The following HSD17B12 variants were observed in gnomAD, a reference collection of about 807,000 sequenced individuals.
HSD17B12 encodes the protein hydroxysteroid 17-beta dehydrogenase 12.
Under a neutral mutation model 39.3 loss-of-function variants are expected in HSD17B12, and 32 were observed. The observed-to-expected ratio is 0.81, with a 90% confidence interval of 0.61 to 1.09. The LOEUF (loss-of-function observed/expected upper bound fraction) is 1.09. HSD17B12 is among the 50% of genes least tolerant of loss of function. The probability of loss-of-function intolerance (pLI) is 0.00; values close to 1 mark genes in which losing one functional copy is unlikely to be tolerated. For missense variants in HSD17B12, 342 were observed against 382.9 expected (o/e 0.89, Z 0.89); for synonymous variants, 150 against 146.7 (o/e 1.02, Z -0.16).
intron 1 of HSD17B12, among the ~76,000 whole-genome samples, chr11:43,686,376 C>A (rs1444887555): frequency 6.6e-6 from 1 of 152,180 alleles, no homozygotes; most frequent in East Asian, 1.9e-4. Flanking sequence ...AAAAGTTCTG[C>A]AGATTAAAGT....
intron 1 of HSD17B12, among the ~76,000 whole-genome samples, chr11:43,738,234 TC>T (rs1312791056): frequency 3.2e-4 from 48 of 151,654 alleles, no homozygotes; most frequent in Middle Eastern, 3.2e-3. Flanking sequence ...ACTTTTAAGT[TC>T]AGGGGTCCAT....
At chr11:43,740,814 C>T (rs913651914) in intron 1 of HSD17B12, among the ~76,000 whole-genome samples, 10 of 152,180 alleles carry the variant, frequency 6.6e-5, no homozygotes, top group African/African-American at 2.2e-4. Context: ...AATATAAGTC[C>T]TTATTCCAGG....
In HSD17B12 at chr11:43,687,498, C is replaced by T. The variant is rs568645245; in HGVS notation, c.160+6511C>T. Among the ~76,000 whole-genome samples the T allele has an allele frequency of 5.9e-5, 9 of 152,296 alleles. No individual in the cohort carries two copies. In the East Asian group the frequency reaches 1.5e-3, roughly 26 times the overall value. On this transcript the variant is annotated intron_variant, in intron 1 of 10. Transcript: ENST00000278353. The stretch of plus-strand genomic sequence containing the variant: ...TAGAGCTGTGCTGGGGAAGCAGTGC[C>T]TCAGCTGAGATCTGGCGGTTGAGTG...
At chr11:43,717,167 CTTA>C (rs1189124403) in intron 1 of HSD17B12, among the ~76,000 whole-genome samples, 2 of 152,140 alleles carry the variant, frequency 1.3e-5, no homozygotes, top group East Asian at 3.8e-4. Context: ...AATCATCTTA[CTTA>C]TTAAAGCAGA....
At chr11:43,650,432 A>G in the HSD17B12 span, among the ~76,000 whole-genome samples, 1 of 152,212 alleles carries the variant, frequency 6.6e-6, no homozygotes, top group Non-Finnish European at 1.5e-5. Context: ...CTTTATCCCC[A>G]GTAGACTAAG....
chr11:43,804,070 C>A (rs901783613), intron 4 of HSD17B12, among the ~76,000 whole-genome samples: 3 of 152,230 alleles, frequency 2.0e-5, no homozygotes, highest in African/African-American at 4.8e-5. Flanking sequence ...ATGCCACAGA[C>A]AATACTTTTT....
At chr11:43,806,650 A>T (rs948861350) in intron 4 of HSD17B12, among the ~76,000 whole-genome samples, 2 of 152,182 alleles carry the variant, frequency 1.3e-5, no homozygotes, top group African/African-American at 4.8e-5. Flanking sequence ...AGTAGATCTC[A>T]TGAAGATAGA....
At chr11:43,558,690 G>A in the HSD17B12 span, among the ~76,000 whole-genome samples, 7 of 152,098 alleles carry the variant, frequency 4.6e-5, no homozygotes, top group Non-Finnish European at 7.4e-5. Context: ...TAGTTGAGAA[G>A]ACCATCTGAG....
At chr11:43,746,988 T>C (rs535169779) in intron 1 of HSD17B12, among the ~76,000 whole-genome samples, 1 of 152,344 alleles carries the variant, frequency 6.6e-6, no homozygotes, top group South Asian at 2.1e-4. Flanking sequence ...ATAATCTAGT[T>C]ACCAACAGGA....
intron 4 of HSD17B12, among the ~76,000 whole-genome samples, chr11:43,803,594 A>G (rs2135055783): frequency 6.6e-6 from 1 of 152,334 alleles, no homozygotes; most frequent in East Asian, 1.9e-4. Flanking sequence ...AATAAAGAAA[A>G]TTAATATTTT....
chr11:43,622,120 C>G, the HSD17B12 span, among the ~76,000 whole-genome samples: 1 of 152,126 alleles, frequency 6.6e-6, no homozygotes, highest in African/African-American at 2.4e-5. Context: ...GCACCCTAAA[C>G]GATTTGAAGT....
upstream of HSD17B12, among the ~76,000 whole-genome samples, chr11:43,677,441 C>T (rs1023852024): frequency 2.0e-5 from 3 of 152,054 alleles, no homozygotes; most frequent in Admixed American, 1.3e-4. Context: ...TATTGTTTTA[C>T]ACAATTTTTT....
intron 1 of HSD17B12, 85 bp downstream of exon 1, chr11:43,681,072 C>T: frequency 1.4e-6 from 2 of 1,422,490 alleles, no homozygotes; most frequent in Non-Finnish European, 1.8e-6. Flanking sequence ...GGGGTCTGCT[C>T]CTGGCCTTCC....
Position 43,753,046 on chromosome 11 carries a change from A to G in HSD17B12, c.208-1000A>G, listed in dbSNP as rs528543960. 2.6e-5 allele frequency among the ~76,000 whole-genome samples: 4 copies of G among 152,242 alleles called. No homozygotes were observed. The South Asian group carries it at 8.3e-4, about 32-fold the overall frequency. On this transcript the variant is annotated intron_variant, in intron 2 of 10. Transcript: ENST00000278353. The stretch of plus-strand genomic sequence containing the variant: ...AGCACCTAATTTATTGCTCATTTAT[A>G]TTCTGTCTAGAATATTTCACTAAAT...
intron 1 of HSD17B12, among the ~76,000 whole-genome samples, chr11:43,702,497 T>C (rs1455082641): frequency 6.6e-6 from 1 of 152,226 alleles, no homozygotes; most frequent in Non-Finnish European, 1.5e-5. Context: ...TACCCAGTTT[T>C]TTGAAGGTTT....
chr11:43,838,470 G>C, intron 8 of HSD17B12, 72 bp downstream of exon 8: 1 of 1,156,540 alleles, frequency 8.6e-7, no homozygotes, highest in Non-Finnish European at 1.3e-6. Context: ...AATTAACGTA[G>C]ATTTAACTTT....
intron 2 of HSD17B12, among the ~76,000 whole-genome samples, chr11:43,752,678 C>A (rs991677817): frequency 6.6e-6 from 1 of 152,074 alleles, no homozygotes; most frequent in Non-Finnish European, 1.5e-5. Flanking sequence ...CACACCGTGG[C>A]ACTCCAGCCT....
At chr11:43,634,104 A>AAAAAAAAAAAAAAAC in the HSD17B12 span, among the ~76,000 whole-genome samples, 2 of 136,888 alleles carry the variant, frequency 1.5e-5, no homozygotes, top group Non-Finnish European at 3.2e-5. Flanking sequence ...AAAAAAAAAA[A>AAAAAAAAAAAAAAAC]AAAAAGAAAG....
chr11:43,760,353 G>A (rs1950545688), intron 3 of HSD17B12, among the ~76,000 whole-genome samples: 1 of 151,968 alleles, frequency 6.6e-6, no homozygotes, highest in African/African-American at 2.4e-5. Context: ...CCCAGCCCAC[G>A]GTCAGTATTT....
Sources: gnomAD v4.1 joint callset for allele counts (sites outside exome capture counted in the v4.1 genomes callset) on GRCh38, gnomAD v4.1.1 for gene constraint, MANE v1.5 for transcripts, NCBI Gene and HGNC (gene_info 2026-07-23, HGNC 2026-07-21) for gene names.